Variants in TRIO observed in about 807,000 individuals in gnomAD.
The protein encoded by TRIO is triple functional domain protein.
TRIO carries 58 observed loss-of-function variants against 351.9 expected under a neutral mutation model. That is an observed-to-expected ratio of 0.16 (90% confidence interval 0.13 to 0.21). The LOEUF (loss-of-function observed/expected upper bound fraction) is 0.21. Among genes scored for constraint, TRIO ranks in the 10% least tolerant of loss-of-function variants. TRIO has a pLI of 1.00. For missense variants in TRIO, 3,201 were observed against 4,027.8 expected, an observed-to-expected ratio of 0.79 and a Z score of 5.56; for synonymous variants, 1,758 against 1,595.7, an observed-to-expected ratio of 1.10 and a Z score of -2.42.
chr5:14,297,851 G>A (rs866705021), intron 7 of TRIO, among the ~76,000 whole-genome samples: 1 of 152,164 alleles, frequency 6.6e-6, no homozygotes, highest in Non-Finnish European at 1.5e-5. Flanking sequence ...TCAGCTCCAC[G>A]CACCAGCTCC....
chr5:14,374,258 C>A lies in TRIO; in HGVS notation c.3246C>A (p.Asp1082Glu), dbSNP rs61737134. The A allele has an allele frequency of 6.2e-7, 1 of 1,613,542 alleles. No individual in the cohort carries two copies. The highest frequency in any genetic ancestry group is 1.6e-4 in the Middle Eastern group (1 of 6,062). The change falls in exon 19 of 57, where the codon GAC (aspartate) becomes GAA (glutamate). Residue 1082 changes from aspartate (D) to glutamate (E), a missense_variant. Coordinates refer to ENST00000344204, the MANE Select transcript of TRIO (RefSeq NM_007118.4). ...GCACCCTTGCTCGGAGGAATGCAGA[C>A]GTCTTCCTGAAATACCTGCACAGGA... ...KACTLARRNA[D>E]VFLKYLHRNS...
At chr5:14,301,192 A>G (rs905547505) in intron 7 of TRIO, among the ~76,000 whole-genome samples, 1 of 151,970 alleles carries the variant, frequency 6.6e-6, no homozygotes, top group Non-Finnish European at 1.5e-5. Flanking sequence ...TATATGAATC[A>G]CTGTTCCCCT....
At chr5:14,402,987 A>G (rs947045014) in intron 31 of TRIO, among the ~76,000 whole-genome samples, 2 of 151,508 alleles carry the variant, frequency 1.3e-5, no homozygotes, top group Middle Eastern at 3.4e-3. Context: ...AAGGTTGGAG[A>G]TGGTGGTGAG....
chr5:14,493,544 C>T (rs573826359), intron 49 of TRIO, among the ~76,000 whole-genome samples: 8 of 152,246 alleles, frequency 5.3e-5, no homozygotes, highest in South Asian at 4.2e-4. Flanking sequence ...ACATAATAAA[C>T]GTGTGTTCTA....
At position 14,226,208 on chromosome 5, in the gene TRIO, T is replaced by C. The variant is rs117816895; in HGVS notation, c.158-44617T>C. The stretch of plus-strand genomic sequence containing the variant: ...ATGGGACCAGCATGGAAGATTCCAG[T>C]CCTCCCACTTAGGTTATTTGATGAT... On this transcript the variant is annotated intron_variant, in intron 1 of 56. Coordinates refer to ENST00000344204, the MANE Select transcript of TRIO (RefSeq NM_007118.4). 2.4e-4 allele frequency among the ~76,000 whole-genome samples: 37 copies of C among 152,308 alleles called. No homozygotes were observed. In the East Asian group the frequency reaches 5.4e-3, roughly 22 times the overall value.
chr5:14,397,739 T>A (rs142631776), intron 29 of TRIO, among the ~76,000 whole-genome samples: 56 of 152,334 alleles, frequency 3.7e-4, no homozygotes, highest in African/African-American at 1.3e-3. Context: ...CAAATGCTTT[T>A]GCTAGCCTGT....
Position 14,507,135 on chromosome 5 carries a change from C to T in TRIO, c.8626C>T (p.Arg2876Cys), listed in dbSNP as rs755026998. Residue 2876 changes from arginine (R) to cysteine (C), a missense_variant, in exon 56 of 57, where the codon CGC becomes TGC. This residue lies in a region of TRIO where 233 missense variants were observed against 292.6 expected (regional missense o/e 0.80). Coordinates refer to ENST00000344204, the MANE Select transcript of TRIO (RefSeq NM_007118.4). ...ILVLEMADQG[R>C]LLDCVVRWGS... ...CTGCCTCTTTAGGGCTGACCAGGGTCGCCTCCTGGACTGCGTGGTGCGATG... is the reference window on the plus strand; with the variant it reads ...CTGCCTCTTTAGGGCTGACCAGGGTTGCCTCCTGGACTGCGTGGTGCGATG... The T allele has an allele frequency of 1.6e-5, 26 of 1,597,136 alleles. No individual in the cohort carries two copies. The highest frequency in any genetic ancestry group is 2.7e-5 in the African/African-American group (2 of 74,034).
intron 1 of TRIO, among the ~76,000 whole-genome samples, chr5:14,234,770 C>G (rs980139863): frequency 2.0e-5 from 3 of 152,170 alleles, no homozygotes; most frequent in African/African-American, 7.2e-5. Flanking sequence ...ATTGCCACGT[C>G]AGATCATTTC....
chr5:14,482,500 A>G (rs1056596792), intron 45 of TRIO, 82 bp from the exon 46 acceptor site: 3 of 1,125,940 alleles, frequency 2.7e-6, no homozygotes, highest in African/African-American at 3.2e-5. Flanking sequence ...ATAGGAGGAA[A>G]TCTAAAGAAA....
At chr5:14,506,605 G>A (rs1314482851) in intron 55 of TRIO, among the ~76,000 whole-genome samples, 1 of 152,192 alleles carries the variant, frequency 6.6e-6, no homozygotes, top group African/African-American at 2.4e-5. Flanking sequence ...TGGCAGTGCT[G>A]GGTAAGTGTT....
At chr5:14,461,569 C>G (rs1039064749) in intron 35 of TRIO, among the ~76,000 whole-genome samples, 13 of 152,182 alleles carry the variant, frequency 8.5e-5, no homozygotes, top group Non-Finnish European at 1.6e-4. Flanking sequence ...GATCACCATG[C>G]GCCCCAGGCC....
intron 1 of TRIO, among the ~76,000 whole-genome samples, chr5:14,229,184 C>A (rs1793241713): frequency 6.6e-6 from 1 of 151,634 alleles, no homozygotes; most frequent in East Asian, 1.9e-4. Flanking sequence ...CTGTTCATAC[C>A]CTGATCTAGA....
At chr5:14,349,169 G>A (rs943986370) in intron 11 of TRIO, among the ~76,000 whole-genome samples, 1 of 151,500 alleles carries the variant, frequency 6.6e-6, no homozygotes, top group African/African-American at 2.4e-5. Context: ...ATGCACGTGA[G>A]CATGTGTGTT....
intron 1 of TRIO, among the ~76,000 whole-genome samples, chr5:14,248,065 CAAAA>C (rs71599612): frequency 3.0e-5 from 4 of 132,412 alleles, no homozygotes; most frequent in Non-Finnish European, 3.2e-5. Flanking sequence ...GACTCCGTCT[CAAAA>C]AAAAAAAAAA....
rs79031100 is a variant in TRIO, at chr5:14,318,097, C to T, written c.1731+1354C>T. On this transcript the variant is annotated intron_variant, in intron 9 of 56. Coordinates refer to ENST00000344204, the MANE Select transcript of TRIO (RefSeq NM_007118.4). Reference sequence around the variant, plus strand: ...GGCCGATTATTGCACCATTGCACTCCAGCCTGGGTGACAGAGCAAGACTCC... The same window carrying T: ...GGCCGATTATTGCACCATTGCACTCTAGCCTGGGTGACAGAGCAAGACTCC... Among the ~76,000 whole-genome samples, 1,166 of 146,474 alleles carry T rather than the reference C, an allele frequency of 8.0e-3. 51 individuals are homozygous for T. The East Asian group carries it at 0.12, about 14-fold the overall frequency.
At chr5:14,210,651 C>A (rs536827632) in intron 1 of TRIO, among the ~76,000 whole-genome samples, 3 of 152,020 alleles carry the variant, frequency 2.0e-5, no homozygotes, top group South Asian at 2.1e-4. Flanking sequence ...TGGGGAAAAA[C>A]CATGAAAGAA....
chr5:14,482,246 T>C (rs895602600), intron 45 of TRIO, among the ~76,000 whole-genome samples: 1 of 152,000 alleles, frequency 6.6e-6, no homozygotes, highest in Admixed American at 6.6e-5. Context: ...TTCTGAAAAC[T>C]CCTGTGCATG....
chr5:14,461,453 T>C (rs768710582), intron 35 of TRIO, 142 bp downstream of exon 35: 17 of 1,237,100 alleles, frequency 1.4e-5, no homozygotes, highest in Non-Finnish European at 1.8e-5. Flanking sequence ...AGTCTCTGCT[T>C]AGCAGACTGA....
chr5:14,277,925 A>T (rs917491597), intron 2 of TRIO, among the ~76,000 whole-genome samples: 2 of 152,260 alleles, frequency 1.3e-5, no homozygotes, highest in Non-Finnish European at 2.9e-5. Context: ...CACCCTTAGC[A>T]GGGAGATTAG....
Sources: allele counts gnomAD v4.1 joint callset (sites outside exome capture counted in the v4.1 genomes callset), GRCh38; gene constraint gnomAD v4.1.1; regional missense constraint gnomAD v4.1.1; transcripts MANE v1.5; gene names NCBI Gene and HGNC (gene_info 2026-07-23, HGNC 2026-07-21).